Variants in TTC17 observed in about 807,000 individuals in gnomAD.
The protein encoded by TTC17 is tetratricopeptide repeat domain 17.
In TTC17, 58 loss-of-function variants were observed where a neutral mutation model predicts 143.8. The ratio of observed to expected loss-of-function variants is 0.40; its 90% confidence interval spans 0.33 to 0.50. The LOEUF (loss-of-function observed/expected upper bound fraction) is 0.50. TTC17 is among the 20% of genes least tolerant of loss of function. TTC17 has a pLI of 0.49. For synonymous variants in TTC17, 501 were observed against 497.8 expected (o/e 1.01, Z -0.09); for missense variants, 1,273 against 1,392.5 (o/e 0.91, Z 1.37).
rs756163914 is a variant in TTC17, at chr11:43,444,207, A to G, written c.2663A>G (p.Gln888Arg). Residue 888 changes from glutamine (Q) to arginine (R), a missense_variant and splice_region_variant, in exon 18 of 24, where the codon CAA becomes CGA. Coordinates refer to ENST00000039989, the MANE Select transcript of TTC17 (RefSeq NM_018259.6). ...TGPKVASPGP[Q>R]GKKRDYQRLG... ...CCCAAGGTGGCATCTCCTGGGCCAC[A>G]AGGTAAATTTGAATGTTTAATATGC... 1 of 1,596,274 alleles carries G rather than the reference A, an allele frequency of 6.3e-7. No individual in the cohort carries two copies. Among genetic ancestry groups the G allele is most frequent in the Non-Finnish European group, 8.5e-7 (1 of 1,174,898 alleles).
At chr11:43,474,049 G>C (rs1471752800) in intron 21 of TTC17, among the ~76,000 whole-genome samples, 1 of 152,148 alleles carries the variant, frequency 6.6e-6, no homozygotes, top group East Asian at 1.9e-4. Flanking sequence ...AAATACTTTT[G>C]AATGAGGCTG....
chr11:43,370,101 A>G, intron 1 of TTC17: 1 of 455,186 alleles, frequency 2.2e-6, no homozygotes, highest in Non-Finnish European at 4.4e-6. Context: ...GCCCATGCGT[A>G]TCTCTCTCAA....
intron 18 of TTC17, among the ~76,000 whole-genome samples, chr11:43,445,458 TTTC>T (rs1472541028): frequency 6.6e-6 from 1 of 152,202 alleles, no homozygotes; most frequent in East Asian, 1.9e-4. Context: ...TGATTTTTAT[TTTC>T]TTCTGTATGA....
chr11:43,401,333 G>A, intron 9 of TTC17, 113 bp from the exon 10 acceptor site: 1 of 617,966 alleles, frequency 1.6e-6, no homozygotes, highest in Non-Finnish European at 2.9e-6. Context: ...TACGTAAGTA[G>A]CCTGCTAGGC....
intron 21 of TTC17, among the ~76,000 whole-genome samples, chr11:43,457,223 C>T (rs1350129565): frequency 6.6e-6 from 1 of 151,976 alleles, no homozygotes; most frequent in African/African-American, 2.4e-5. Flanking sequence ...TGGAGTGCCA[C>T]AGCAGAGGAA....
intron 1 of TTC17, among the ~76,000 whole-genome samples, chr11:43,368,558 T>C (rs1190795772): frequency 6.6e-6 from 1 of 152,232 alleles, no homozygotes; most frequent in Non-Finnish European, 1.5e-5. Flanking sequence ...CCTCCATTTC[T>C]GTAATTCCAG....
chr11:43,450,551 A>C (rs1057369035), intron 20 of TTC17, among the ~76,000 whole-genome samples: 5 of 152,196 alleles, frequency 3.3e-5, no homozygotes, highest in Non-Finnish European at 5.9e-5. Flanking sequence ...TCCTGTTGAC[A>C]TTTTTAAGAA....
intron 1 of TTC17, among the ~76,000 whole-genome samples, chr11:43,377,405 T>C (rs1362514180): frequency 6.6e-6 from 1 of 152,258 alleles, no homozygotes; most frequent in African/African-American, 2.4e-5. Context: ...TCAAACATAC[T>C]CTGATAATCT....
At chr11:43,459,983 G>A (rs148618552) in intron 21 of TTC17, among the ~76,000 whole-genome samples, 2 of 152,270 alleles carry the variant, frequency 1.3e-5, no homozygotes, top group African/African-American at 4.8e-5. Context: ...AGCTTACGAT[G>A]GGTTTATCAA....
At chr11:43,424,584 A>G (rs926667314) in intron 16 of TTC17, among the ~76,000 whole-genome samples, 1 of 151,592 alleles carries the variant, frequency 6.6e-6, no homozygotes, top group Non-Finnish European at 1.5e-5. Context: ...AGCCTGACCA[A>G]CATGGCGAAA....
chr11:43,407,500 A>G lies in TTC17; in HGVS notation c.1987A>G (p.Asn663Asp), dbSNP rs759938193. The change falls in exon 15 of 24, where the codon AAC (asparagine) becomes GAC (aspartate). Residue 663 changes from asparagine to aspartate, a missense_variant. This residue lies in a region of TTC17 where 878 missense variants were observed against 899.8 expected (regional missense o/e 0.98). Transcript: ENST00000039989. Reference protein sequence around the residue: ...YQDVPLVNLANLLIHYGLHLD... With the variant: ...YQDVPLVNLADLLIHYGLHLD... ...AGATGTTCCTCTTGTCAACTTGGCC[A>G]ACCTTTTGATTCATTACGGCCTTCA... is the stretch of plus-strand genomic sequence containing the variant. 6.2e-7 allele frequency: 1 copy of G among 1,614,026 alleles called. No homozygotes were observed. Among genetic ancestry groups the G allele is most frequent in the Admixed American group, 1.7e-5 (1 of 59,988 alleles).
At chr11:43,457,535 A>C (rs937392326) in intron 21 of TTC17, among the ~76,000 whole-genome samples, 5 of 152,238 alleles carry the variant, frequency 3.3e-5, no homozygotes, top group Admixed American at 3.3e-4. Flanking sequence ...TCAGTGGACA[A>C]GGACTTTAAG....
intron 16 of TTC17, among the ~76,000 whole-genome samples, chr11:43,426,458 A>G (rs779722804): frequency 7.2e-5 from 11 of 152,380 alleles, no homozygotes; most frequent in Admixed American, 3.9e-4. Context: ...GATATGTTCA[A>G]ATTAAAGTGC....
chr11:43,462,421 A>C (rs1305151868), intron 21 of TTC17, among the ~76,000 whole-genome samples: 1 of 152,246 alleles, frequency 6.6e-6, no homozygotes, highest in Non-Finnish European at 1.5e-5. Context: ...CCTGAAGAGT[A>C]GAAGGCTGTG....
intron 21 of TTC17, among the ~76,000 whole-genome samples, chr11:43,453,806 C>T (rs906634833): frequency 3.3e-5 from 5 of 152,268 alleles, no homozygotes; most frequent in African/African-American, 7.2e-5. Flanking sequence ...TACCATAGGT[C>T]GAAATGCATT....
At chr11:43,380,959 A>G (rs564903926) in intron 2 of TTC17, among the ~76,000 whole-genome samples, 2 of 152,264 alleles carry the variant, frequency 1.3e-5, no homozygotes, top group East Asian at 1.9e-4. Flanking sequence ...GAAAGATGCA[A>G]TGGTGCAGAA....
intron 1 of TTC17, among the ~76,000 whole-genome samples, chr11:43,362,189 G>GTGTGTA (rs1330110037): frequency 1.5e-5 from 2 of 136,786 alleles, no homozygotes; most frequent in Non-Finnish European, 3.3e-5. Flanking sequence ...GTGTGTGTGT[G>GTGTGTA]TGTGTATTTT....
chr11:43,432,564 G>T (rs920082126), intron 16 of TTC17, among the ~76,000 whole-genome samples: 1 of 152,116 alleles, frequency 6.6e-6, no homozygotes, highest in African/African-American at 2.4e-5. Context: ...AAATAGTGTT[G>T]TTCCTTTAAA....
intron 23 of TTC17, 82 bp downstream of exon 23, chr11:43,492,245 C>T (rs1590520012): frequency 6.7e-7 from 1 of 1,492,238 alleles, no homozygotes; most frequent in Non-Finnish European, 9.1e-7. Flanking sequence ...TTGAATATGT[C>T]ATTGCCCACC....
Sources: gnomAD v4.1 joint callset for allele counts (sites outside exome capture counted in the v4.1 genomes callset) on GRCh38, gnomAD v4.1.1 for gene constraint, gnomAD v4.1.1 regional missense constraint, MANE v1.5 for transcripts, NCBI Gene and HGNC (gene_info 2026-07-23, HGNC 2026-07-21) for gene names.